Variants in MED12 observed in about 807,000 individuals in gnomAD.
MED12 encodes the protein mediator of RNA polymerase II transcription subunit 12.
A neutral mutation model predicts 177.7 loss-of-function variants in MED12; 10 were observed. The observed-to-expected ratio is 0.06, with a 90% CI of 0.03 to 0.10. The LOEUF is 0.10. Ranked by LOEUF, MED12 falls within the 10% of genes least tolerant of loss-of-function variation. The pLI, the probability that MED12 is intolerant of heterozygous loss-of-function variation, is 1.00. For missense variants in MED12, 867 were observed against 1,780.8 expected, an observed-to-expected ratio of 0.49 and a Z score of 9.23; for synonymous variants, 641 against 678.4, an observed-to-expected ratio of 0.94 and a Z score of 0.86.
Position 71,127,037 on chromosome X carries a change from C to T in MED12, c.2754C>T (p.Tyr918=), listed in dbSNP as rs774593737. The change falls in exon 20 of 45, where the codon TAC becomes TAT. Residue 918 remains tyrosine, a synonymous_variant. Transcript: ENST00000374080. ...LLKSSDLVGS[Y]TTSLCLCIVA... is the part of the protein sequence containing the mutation. ...AATCCTCGGATCTGGTGGGCAGCTA[C>T]ACTACTAGCCTGTGCCTGTGCATCG... 1.7e-6 allele frequency: 2 copies of T among 1,211,475 alleles called. No individual in the cohort carries two copies. Among genetic ancestry groups the T allele is most frequent in the African/African-American group, 1.7e-5 (1 of 57,928 alleles).
rs1395904840 is a variant in MED12 at position 71,136,544 on chromosome X, T to C, written c.5289T>C (p.Ala1763=). Residue 1763 remains alanine (A), a synonymous_variant, in exon 37 of 45, where the codon GCT becomes GCC. Coordinates refer to ENST00000374080, the MANE Select transcript of MED12 (RefSeq NM_005120.3). Reference sequence around the variant, plus strand: ...CCCTGCTAGAGCCTGAGAAAAAGGCTCCAGAGCCCCCCAAAACTGACAAAC... The same window carrying C: ...CCCTGCTAGAGCCTGAGAAAAAGGCCCCAGAGCCCCCCAAAACTGACAAAC... The part of the protein sequence containing the change: ...APTLLEPEKK[A]PEPPKTDKPG... 2 of 1,197,146 alleles carry C rather than the reference T, an allele frequency of 1.7e-6. No homozygotes were observed. The highest frequency in any genetic ancestry group is 3.6e-5 in the South Asian group (2 of 55,324).
chrX:71,141,502 T>C, intron 43 of MED12, 132 bp downstream of exon 43: 1 of 908,931 alleles, frequency 1.1e-6, no homozygotes, highest in Non-Finnish European at 1.5e-6. Flanking sequence ...AAAAATGGAT[T>C]GGGAGGCCAG....
chrX:71,137,123 C>G (rs2092334562), intron 38 of MED12, 64 bp from the exon 39 acceptor site: 2 of 1,193,693 alleles, frequency 1.7e-6, no homozygotes, highest in Non-Finnish European at 2.3e-6. Flanking sequence ...CTATGGATGT[C>G]AAGGACACTG....
intron 43 of MED12, 71 bp from the exon 44 acceptor site, chrX:71,141,812 A>G: frequency 5.8e-6 from 6 of 1,026,511 alleles, no homozygotes; most frequent in Non-Finnish European, 8.2e-6. Context: ...AAAAAAAAAA[A>G]CGGATTGGGA....
chrX:71,136,809 C>T, intron 37 of MED12, 70 bp from the exon 38 acceptor site: 1 of 1,196,131 alleles, frequency 8.4e-7, no homozygotes. Context: ...CTCTTTACCT[C>T]ATTCTCCCCC....
At chrX:71,126,865 A>T in intron 19 of MED12, 104 bp from the exon 20 acceptor site, 2 of 851,738 alleles carry the variant, frequency 2.3e-6, no homozygotes, top group Non-Finnish European at 3.5e-6. Context: ...TGGCTCCAGC[A>T]GGAAGGGGCT....
chrX:71,135,314 C>T (rs186886092), intron 36 of MED12, 61 bp downstream of exon 36: 17 of 1,163,563 alleles, frequency 1.5e-5, no homozygotes, highest in Non-Finnish European at 2.0e-5. Context: ...AGAACTTTGC[C>T]TGCATCAGCT....
At chrX:71,125,931 C>T in intron 17 of MED12, 105 bp from the exon 18 acceptor site, 2 of 385,831 alleles carry the variant, frequency 5.2e-6, no homozygotes, top group Non-Finnish European at 1.0e-5. Flanking sequence ...CCTTCCATCT[C>T]TCCCTCCCTC....
At chrX:71,141,759 G>T in intron 43 of MED12, 124 bp from the exon 44 acceptor site, 1 of 622,309 alleles carries the variant, frequency 1.6e-6, no homozygotes, top group East Asian at 3.6e-5. Flanking sequence ...CCAAGATCAT[G>T]CCACTGCACT....
chrX:71,121,920 G>T, intron 7 of MED12, 104 bp downstream of exon 7: 1 of 1,117,071 alleles, frequency 9.0e-7, no homozygotes, highest in Non-Finnish European at 1.2e-6. Context: ...GTGGGAGTAG[G>T]TGCTGAGTAC....
Position 71,121,790 on chromosome X carries a change from GT to G in MED12, c.1080del (p.Phe360LeufsTer24), listed in dbSNP as rs776803467. On this transcript the variant is annotated frameshift_variant, in exon 7 of 45. Transcript: ENST00000374080. LOFTEE classifies it high-confidence loss of function. Reference sequence around the variant, plus strand: ...TATGTGCCCTCAGCACCGGCCCCTGGTTTTTGGCCTCAGCTGTATCCTACAG... The same window carrying G: ...TATGTGCCCTCAGCACCGGCCCCTGGTTTTGGCCTCAGCTGTATCCTACAG... ...LLMCPQHRPL[V>X]FGLSCILQTI... The G allele has an allele frequency of 8.3e-7, 1 of 1,212,079 alleles. No individual in the cohort carries two copies. Among genetic ancestry groups the G allele is most frequent in the Non-Finnish European group, 1.1e-6 (1 of 895,565 alleles).
At chrX:71,130,280 C>G in intron 28 of MED12, 66 bp downstream of exon 28, 1 of 1,076,663 alleles carries the variant, frequency 9.3e-7, no homozygotes, top group Non-Finnish European at 1.3e-6. Context: ...ACAATAGGAA[C>G]CTTGAGAAAA....
chrX:71,136,827 C>A lies in MED12; in HGVS notation c.5401-52C>A. ...TTTACCTCATTCTCCCCCAGCTCCC[C>A]GACCCCATTCAGCTACAACCCACTC... On this transcript the variant is annotated intron_variant, in intron 37 of 44. Transcript: ENST00000374080. 8.3e-7 allele frequency: 1 copy of A among 1,206,635 alleles called. No individual in the cohort carries two copies. The highest frequency in any genetic ancestry group is 1.1e-6 in the Non-Finnish European group (1 of 891,778).
rs765515717 is a variant in MED12, at chrX:71,135,148, A to T, written c.4920A>T (p.Pro1640=). The change falls in exon 36 of 45, where the codon CCA becomes CCT. Residue 1640 remains proline (P), a synonymous_variant. Transcript: ENST00000374080. The part of the protein sequence containing the change: ...DSLEKVRQLL[P]LPKQTRDVIT... The stretch of plus-strand genomic sequence containing the variant: ...TGGAAAAGGTTCGCCAGCTGCTGCC[A>T]CTGCCCAAGCAGACCCGAGATGTCA... 2.5e-6 allele frequency: 3 copies of T among 1,209,491 alleles called. No individual in the cohort carries two copies. The African/African-American group carries it at 5.3e-5, about 21-fold the overall frequency.
chrX:71,131,257 T>C (rs752911949), intron 28 of MED12, among the ~76,000 whole-genome samples: 16 of 109,278 alleles, frequency 1.5e-4, no homozygotes, highest in African/African-American at 5.0e-4. Context: ...GCCTCCTGAG[T>C]AACTGGGATT....
chrX:71,142,063 GA>G (rs2092349687), intron 44 of MED12, 99 bp downstream of exon 44: 23 of 1,105,146 alleles, frequency 2.1e-5, no homozygotes, highest in Non-Finnish European at 2.6e-5. Context: ...CCCAGGTTAT[GA>G]GAGGAGGCAT....
chrX:71,134,197 C>G (rs1382670929), intron 33 of MED12, among the ~76,000 whole-genome samples, 160 bp from the exon 34 acceptor site: 1 of 100,413 alleles, frequency 1.0e-5, no homozygotes. Flanking sequence ...CGCCACTGCA[C>G]TCTAGCCTGG....
At chrX:71,130,308 T>A in intron 28 of MED12, 94 bp downstream of exon 28, 1 of 918,995 alleles carries the variant, frequency 1.1e-6, no homozygotes, top group Non-Finnish European at 1.5e-6. Context: ...GGCAGTTAAG[T>A]AGAGAGGAAG....
chrX:71,122,655 G>T (rs946232261), intron 9 of MED12, 48 bp downstream of exon 9: 2 of 1,198,788 alleles, frequency 1.7e-6, no homozygotes, highest in Admixed American at 4.3e-5. Flanking sequence ...AGGAAAGGAT[G>T]GGGATAGTAA....
Sources: gnomAD v4.1 joint callset for allele counts (sites outside exome capture counted in the v4.1 genomes callset) on GRCh38, gnomAD v4.1.1 for gene constraint, MANE v1.5 for transcripts, NCBI Gene and HGNC (gene_info 2026-07-23, HGNC 2026-07-21) for gene names.